ALK: variants seen among roughly 807,000 people sequenced by gnomAD.
ALK encodes ALK receptor tyrosine kinase, also known as ALK tyrosine kinase receptor.
A neutral mutation model predicts 163.1 loss-of-function variants in ALK; 74 were observed. The observed-to-expected ratio is 0.45, with a 90% CI of 0.38 to 0.55. The LOEUF (loss-of-function observed/expected upper bound fraction) is 0.55, where lower values mean the gene tolerates loss of function less well. Ranked by LOEUF, ALK falls within the 20% of genes least tolerant of loss-of-function variation. ALK has a pLI of 0.00. For missense variants in ALK, 2,063 were observed against 2,105.3 expected (o/e 0.98, Z 0.39); for synonymous variants, 960 against 843.2 (o/e 1.14, Z -2.40).
intron 3 of ALK, among the ~76,000 whole-genome samples, chr2:29,658,969 A>G (rs1240859332): frequency 6.6e-6 from 1 of 152,104 alleles, no homozygotes; most frequent in East Asian, 1.9e-4. Context: ...AAAACGAAAA[A>G]ATCAAATTGG....
chr2:29,376,070 G>A (rs1573295491), intron 5 of ALK, among the ~76,000 whole-genome samples: 1 of 151,936 alleles, frequency 6.6e-6, no homozygotes, highest in Middle Eastern at 3.4e-3. Flanking sequence ...CCGGAAAGAT[G>A]TCAGCCCCAA....
Position 29,233,695 on chromosome 2 carries a change from G to A in ALK, c.2357C>T (p.Thr786Ile). 1 of 1,614,228 alleles carries A rather than the reference G, an allele frequency of 6.2e-7. No individual in the cohort carries two copies. Among genetic ancestry groups the A allele is most frequent in the Non-Finnish European group, 8.5e-7 (1 of 1,180,038 alleles). Residue 786 changes from threonine to isoleucine, a missense_variant and splice_region_variant, in exon 14 of 29, where the codon ACA becomes ATA. Coordinates refer to ENST00000389048, the MANE Select transcript of ALK (RefSeq NM_004304.5). ...GCAGACTTTCTGGATTAACTGGTTT[G>A]TCTGTAGAAACAAAAAGCACGTTAG... is the stretch of plus-strand genomic sequence containing the variant. ...GQQGEDACPS[T>I]NQLIQKVCIG...
At chr2:29,364,546 A>T (rs1668458764) in intron 5 of ALK, among the ~76,000 whole-genome samples, 1 of 152,134 alleles carries the variant, frequency 6.6e-6, no homozygotes, top group South Asian at 2.1e-4. Context: ...CCTTCCTTAC[A>T]TACATCCTGG....
chr2:29,740,603 G>A (rs759262850), intron 1 of ALK, among the ~76,000 whole-genome samples: 1 of 152,214 alleles, frequency 6.6e-6, no homozygotes, highest in African/African-American at 2.4e-5. Context: ...ATATTAGGTG[G>A]CAAGTAAAAC....
intron 1 of ALK, among the ~76,000 whole-genome samples, chr2:29,732,600 C>T (rs2148318535): frequency 6.6e-6 from 1 of 152,270 alleles, no homozygotes; most frequent in South Asian, 2.1e-4. Context: ...TTATGGTTCC[C>T]CCAAAATTCA....
In ALK at chr2:29,196,877, A is replaced by G. The variant is rs1390482554; in HGVS notation, c.4074-17T>C. Reference sequence around the variant, plus strand: ...ATCCGGTATCTAAAAGAAGAAGCACATTAATTAAAATAAGGAGAAGCACAA... The same window carrying G: ...ATCCGGTATCTAAAAGAAGAAGCACGTTAATTAAAATAAGGAGAAGCACAA... On this transcript the variant is annotated splice_polypyrimidine_tract_variant and intron_variant, in intron 27 of 28. Transcript: ENST00000389048. 2.5e-6 allele frequency: 4 copies of G among 1,574,294 alleles called. No individual in the cohort carries two copies. In the African/African-American group the frequency reaches 4.0e-5, roughly 16 times the overall value.
chr2:29,757,542 T>G (rs2541183), intron 1 of ALK, among the ~76,000 whole-genome samples: 102,731 of 152,020 alleles, frequency 0.68, 40,922 homozygotes, highest in Non-Finnish European at 0.89. Flanking sequence ...CAAGTCATTT[T>G]TTCATATAAG....
chr2:29,807,012 C>T (rs1664635316), intron 1 of ALK, among the ~76,000 whole-genome samples: 2 of 152,364 alleles, frequency 1.3e-5, no homozygotes, highest in South Asian at 4.1e-4. Flanking sequence ...GACAACCCGA[C>T]CACCTAAAGT....
intron 3 of ALK, among the ~76,000 whole-genome samples, chr2:29,569,972 A>G (rs914846542): frequency 6.6e-6 from 1 of 152,206 alleles, no homozygotes; most frequent in Non-Finnish European, 1.5e-5. Context: ...ACACCCTAGT[A>G]GGATAAGAAA....
chr2:29,850,733 A>AT (rs1665969350), intron 1 of ALK, among the ~76,000 whole-genome samples: 1 of 152,060 alleles, frequency 6.6e-6, no homozygotes, highest in Admixed American at 6.5e-5. Context: ...CTCCCAGTGT[A>AT]TTTTGTAGTA....
In ALK at chr2:29,239,721, A is replaced by G; in HGVS notation, c.2314T>C (p.Tyr772His). 1 of 1,614,098 alleles carries G rather than the reference A, an allele frequency of 6.2e-7. No homozygotes were observed. Among genetic ancestry groups the G allele is most frequent in the Non-Finnish European group, 8.5e-7 (1 of 1,180,030 alleles). Reference sequence around the variant, plus strand: ...TCTCCCTGCTGCCCAACCAGGATGTACAGCATGTCATCCTTCTCCAGGTTG... The same window carrying G: ...TCTCCCTGCTGCCCAACCAGGATGTGCAGCATGTCATCCTTCTCCAGGTTG... ...IFNLEKDDMLYILVGQQGEDA... is the reference protein window; with the variant it reads ...IFNLEKDDMLHILVGQQGEDA... Residue 772 changes from tyrosine (Y) to histidine (H), a missense_variant, in exon 13 of 29, where the codon TAC becomes CAC. Tyr to His is a moderately conservative substitution (Grantham distance 83). Coordinates refer to ENST00000389048, the MANE Select transcript of ALK (RefSeq NM_004304.5).
chr2:29,427,037 CAAAAAAAAAAAAAAAAAA>C (rs70958261), intron 4 of ALK, among the ~76,000 whole-genome samples: 2 of 40,126 alleles, frequency 5.0e-5, no homozygotes. Flanking sequence ...GACTCCGTCT[CAAAAAAAAAAAAAAAAAA>C]AAAAAAAAAG....
chr2:29,406,604 T>G (rs1337922410), intron 4 of ALK, among the ~76,000 whole-genome samples: 2 of 152,166 alleles, frequency 1.3e-5, no homozygotes, highest in Admixed American at 6.5e-5. Flanking sequence ...TTTTCTGTAT[T>G]AGAAAGTTAA....
chr2:29,744,285 G>A (rs1428046931), intron 1 of ALK, among the ~76,000 whole-genome samples: 1 of 152,176 alleles, frequency 6.6e-6, no homozygotes, highest in Non-Finnish European at 1.5e-5. Context: ...CTGCTACTCT[G>A]GGTCTACAGT....
At position 29,509,463 on chromosome 2, in the gene ALK, A is replaced by T. The variant is rs542746578; in HGVS notation, c.1154+22452T>A. On this transcript the variant is annotated intron_variant, in intron 4 of 28. Transcript: ENST00000389048. ...ATCCCTTTCAGTCCCTCCTTCTCTC[A>T]TGCTTTTCAGTGAATATTAAGTCTG... Among the ~76,000 whole-genome samples the T allele has an allele frequency of 4.6e-5, 7 of 152,258 alleles. No homozygotes were observed. In the East Asian group the frequency reaches 1.4e-3, roughly 29 times the overall value.
intron 1 of ALK, among the ~76,000 whole-genome samples, chr2:29,841,878 T>G (rs77842370): frequency 4.6e-5 from 7 of 152,202 alleles, no homozygotes; most frequent in Admixed American, 3.9e-4. Flanking sequence ...TTGACCCTTA[T>G]GCCTTTGACC....
intron 3 of ALK, among the ~76,000 whole-genome samples, chr2:29,687,899 TTTAAG>T (rs1183896323): frequency 7.2e-5 from 11 of 152,236 alleles, no homozygotes; most frequent in African/African-American, 2.7e-4. Context: ...ATTTTAGGCA[TTTAAG>T]TTATTTCTAG....
chr2:29,343,843 A>G (rs1007564420), intron 5 of ALK, among the ~76,000 whole-genome samples: 2 of 152,192 alleles, frequency 1.3e-5, no homozygotes, highest in Non-Finnish European at 1.5e-5. Flanking sequence ...GCAGGTCCCC[A>G]GGTACACAGG....
chr2:29,223,566 C>T (rs762153959), intron 19 of ALK, 38 bp from the exon 20 acceptor site: 2 of 1,605,966 alleles, frequency 1.2e-6, no homozygotes, highest in South Asian at 1.1e-5. Context: ...GGCCTGGCAG[C>T]CTGGCCCTTG....
Sources: allele counts gnomAD v4.1 joint callset (sites outside exome capture counted in the v4.1 genomes callset), GRCh38; gene constraint gnomAD v4.1.1; transcripts MANE v1.5; gene names NCBI Gene and HGNC (gene_info 2026-07-23, HGNC 2026-07-21).